Variants in MGAT4D observed in about 807,000 individuals in gnomAD.
MGAT4D encodes MGAT4 family member D.
In MGAT4D, 34 loss-of-function variants were observed where a neutral mutation model predicts 15.9. The ratio of observed to expected loss-of-function variants is 2.14; its 90% CI spans 1.62 to 2.84. The LOEUF (loss-of-function observed/expected upper bound fraction) is 2.84, where lower values mean the gene tolerates loss of function less well. Ranked by LOEUF, MGAT4D falls within the 30% of genes most tolerant of loss-of-function variation. MGAT4D has a pLI of 0.00. For synonymous variants in MGAT4D, 112 were observed against 48.2 expected (o/e 2.33, Z -5.49); for missense variants, 327 against 140.2 (o/e 2.33, Z -6.73).
intron 10 of MGAT4D, among the ~76,000 whole-genome samples, chr4:140,444,599 A>G (rs1173252367): frequency 6.6e-6 from 1 of 151,990 alleles, no homozygotes; most frequent in Admixed American, 6.6e-5. Context: ...TGTGTACCAC[A>G]TTTTCCTTAT....
intron 3 of MGAT4D, among the ~76,000 whole-genome samples, chr4:140,475,265 T>C (rs1324312872): frequency 6.6e-6 from 1 of 152,138 alleles, no homozygotes; most frequent in African/African-American, 2.4e-5. Flanking sequence ...GAGTATAAAA[T>C]GTCACATATT....
At chr4:140,443,969 T>C (rs1219461764) in intron 10 of MGAT4D, among the ~76,000 whole-genome samples, 1 of 152,122 alleles carries the variant, frequency 6.6e-6, no homozygotes, top group African/African-American at 2.4e-5. Context: ...TTGAATTTCT[T>C]GTTAGTCAAA....
chr4:140,462,251 C>T, intron 6 of MGAT4D, among the ~76,000 whole-genome samples: 1 of 152,104 alleles, frequency 6.6e-6, no homozygotes, highest in East Asian at 1.9e-4. Context: ...ATTTGTTTTA[C>T]ATTTCTATCT....
At chr4:140,443,553 C>T in intron 10 of MGAT4D, 109 bp from the exon 11 acceptor site, 1 of 363,710 alleles carries the variant, frequency 2.7e-6, no homozygotes. Context: ...ATTGTATCCT[C>T]TTTGATACCA....
chr4:140,459,631 A>G lies in MGAT4D; in HGVS notation c.763-5T>C. On this transcript the variant is annotated splice_region_variant and splice_polypyrimidine_tract_variant and intron_variant, in intron 7 of 10. Transcript: ENST00000511113. The stretch of plus-strand genomic sequence containing the variant: ...AGCTATGATATCATCTTCTAGCTGA[A>G]AAAAAAAACCCAAAAAGACATTAAT... The G allele has an allele frequency of 4.5e-6, 2 of 442,500 alleles. No individual in the cohort carries two copies. Among genetic ancestry groups the G allele is most frequent in the Non-Finnish European group, 8.0e-6 (2 of 249,246 alleles). 27.4% of individuals were successfully genotyped at this position (442,500 alleles called of 1,614,324 possible).
intron 5 of MGAT4D, among the ~76,000 whole-genome samples, chr4:140,466,714 G>T (rs966025454): frequency 1.9e-4 from 29 of 152,110 alleles, no homozygotes; most frequent in African/African-American, 5.8e-4. Flanking sequence ...CCCATTGTTT[G>T]TTAATATTGG....
intron 9 of MGAT4D, among the ~76,000 whole-genome samples, chr4:140,451,980 C>G (rs1183043211): frequency 9.4e-6 from 1 of 106,616 alleles, no homozygotes; most frequent in Non-Finnish European, 1.9e-5. Context: ...GAAAAAGAAT[C>G]TGGATAATTT....
chr4:140,495,710 T>G (rs969646092), intron 1 of MGAT4D, among the ~76,000 whole-genome samples: 4 of 152,186 alleles, frequency 2.6e-5, no homozygotes, highest in Non-Finnish European at 5.9e-5. Flanking sequence ...ATCCATAAAA[T>G]TTTGTTAATT....
chr4:140,470,950 T>A (rs1398390034), intron 5 of MGAT4D, among the ~76,000 whole-genome samples: 1 of 151,544 alleles, frequency 6.6e-6, no homozygotes, highest in East Asian at 2.0e-4. Flanking sequence ...AGTGGCATGA[T>A]CTTGGCTCAC....
intron 9 of MGAT4D, among the ~76,000 whole-genome samples, chr4:140,453,867 A>G (rs1730626115): frequency 6.6e-6 from 1 of 152,160 alleles, no homozygotes; most frequent in African/African-American, 2.4e-5. Flanking sequence ...AGTCTCAGGT[A>G]GTTACTTATA....
Position 140,461,918 on chromosome 4 carries a change from C to CACA in MGAT4D, c.762+10_762+11insTGT. The CACA allele has an allele frequency of 1.4e-6, 1 of 692,134 alleles. No individual in the cohort carries two copies. Among genetic ancestry groups the CACA allele is most frequent in the Non-Finnish European group, 2.6e-6 (1 of 380,110 alleles). The allele number at this position is 692,134 out of a possible 1,614,324, so 42.9% of individuals were successfully genotyped here. A position where few individuals can be genotyped will look rare whatever the true frequency, so the allele number is the denominator to read the frequency against. On this transcript the variant is annotated intron_variant, in intron 7 of 10. Coordinates refer to ENST00000511113, the MANE Select transcript of MGAT4D (RefSeq NM_001277353.2). ...ACACACACACACACACACACACACA[C>CACA]AATTTCTGACCTGTAAATAATACTT...
At position 140,455,104 on chromosome 4, in the gene MGAT4D, C is replaced by T. The variant is rs189259354; in HGVS notation, c.1008+1485G>A. Among the ~76,000 whole-genome samples, 38 of 151,648 alleles carry T rather than the reference C, an allele frequency of 2.5e-4. No individual in the cohort carries two copies. In the East Asian group the frequency reaches 7.1e-3, roughly 29 times the overall value. ...TTCTTTTACTATTATTATTTTCTTCCCTCTCTTCCTTTGCTTTTTATTTTG... is the reference window on the plus strand; with the variant it reads ...TTCTTTTACTATTATTATTTTCTTCTCTCTCTTCCTTTGCTTTTTATTTTG... On this transcript the variant is annotated intron_variant, in intron 9 of 10. Transcript: ENST00000511113.
chr4:140,469,271 C>A (rs1053269817), intron 5 of MGAT4D, among the ~76,000 whole-genome samples: 1 of 152,276 alleles, frequency 6.6e-6, no homozygotes, highest in African/African-American at 2.4e-5. Flanking sequence ...GTTTCATCTA[C>A]GCAGCTGCCC....
At position 140,475,280 on chromosome 4, in the gene MGAT4D, G is replaced by A. The variant is rs1189699114; in HGVS notation, c.392-334C>T. ...GAGTATAAAATGTCACATATTGGTCGATTCTCTCTTCTTTTCCTAACAAGA... is the reference window on the plus strand; with the variant it reads ...GAGTATAAAATGTCACATATTGGTCAATTCTCTCTTCTTTTCCTAACAAGA... On this transcript the variant is annotated intron_variant, in intron 3 of 10. Transcript: ENST00000511113. Among the ~76,000 whole-genome samples the A allele has an allele frequency of 2.0e-5, 3 of 152,138 alleles. No individual in the cohort carries two copies. The East Asian group carries it at 5.8e-4, about 29-fold the overall frequency.
At chr4:140,468,704 C>G (rs11941435) in intron 5 of MGAT4D, among the ~76,000 whole-genome samples, 38,135 of 151,844 alleles carry the variant, frequency 0.25, 4,909 homozygotes, top group South Asian at 0.38. Context: ...GGAAAAACTA[C>G]ATGTATATGG....
chr4:140,498,008 G>T (rs1282307123), intron 1 of MGAT4D, 121 bp downstream of exon 1: 2 of 543,832 alleles, frequency 3.7e-6, no homozygotes, highest in Non-Finnish European at 3.2e-6. Context: ...GTGCCAGCGC[G>T]GGCGGCCGCC....
At chr4:140,470,012 G>A (rs151184592) in intron 5 of MGAT4D, among the ~76,000 whole-genome samples, 5 of 152,204 alleles carry the variant, frequency 3.3e-5, no homozygotes, top group Non-Finnish European at 5.9e-5. Flanking sequence ...GAAGGCGGTC[G>A]AAGCCAAGGA....
chr4:140,451,174 A>G (rs1026546617), intron 10 of MGAT4D, among the ~76,000 whole-genome samples: 1 of 152,122 alleles, frequency 6.6e-6, no homozygotes, highest in African/African-American at 2.4e-5. Context: ...TGGGAACAGT[A>G]AGGCAAAATA....
rs569377931 is a variant in MGAT4D at position 140,474,541 on chromosome 4, T to C, written c.525+272A>G. ...CATATAGTAGGCAGGGATTCAGGGATTCTATATTAAATGCAATTCAAATTT... is the reference window on the plus strand; with the variant it reads ...CATATAGTAGGCAGGGATTCAGGGACTCTATATTAAATGCAATTCAAATTT... On this transcript the variant is annotated intron_variant, in intron 4 of 10. Transcript: ENST00000511113. Among the ~76,000 whole-genome samples the C allele has an allele frequency of 4.6e-5, 7 of 152,320 alleles. No individual in the cohort carries two copies. In the South Asian group the frequency reaches 1.5e-3, roughly 32 times the overall value.
Sources: allele counts gnomAD v4.1 joint callset (sites outside exome capture counted in the v4.1 genomes callset), GRCh38; gene constraint gnomAD v4.1.1; transcripts MANE v1.5; gene names NCBI Gene and HGNC (gene_info 2026-07-23, HGNC 2026-07-21).